NACC2: variants seen among roughly 807,000 people sequenced by gnomAD.
NACC2 encodes the protein nucleus accumbens-associated protein 2.
In NACC2, 8 loss-of-function variants were observed where a neutral mutation model predicts 25.1. That is an observed-to-expected ratio of 0.32 (90% confidence interval 0.19 to 0.57). The LOEUF (loss-of-function observed/expected upper bound fraction) is 0.57. Among genes scored for constraint, NACC2 ranks in the 20% least tolerant of loss-of-function variants. The probability of loss-of-function intolerance (pLI) is 0.89; values close to 1 mark genes in which losing one functional copy is unlikely to be tolerated. For missense variants in NACC2, 644 were observed against 650.2 expected (o/e 0.99, Z 0.10); for synonymous variants, 435 against 294.7 (o/e 1.48, Z -4.88).
intron 2 of NACC2, among the ~76,000 whole-genome samples, chr9:136,016,880 C>A (rs1840211505): frequency 1.3e-5 from 2 of 152,114 alleles, no homozygotes; most frequent in Admixed American, 1.3e-4. Context: ...GCAGCCACTT[C>A]TGGGGCCACA....
At position 136,055,111 on chromosome 9, in the gene NACC2, C is replaced by CA. The variant is rs1419001348; in HGVS notation, c.-59-4532dup. 1.3e-5 allele frequency among the ~76,000 whole-genome samples: 2 copies of CA among 152,132 alleles called. No homozygotes were observed. The highest frequency in any genetic ancestry group is 2.4e-5 in the African/African-American group (1 of 41,450). Reference sequence around the variant, plus strand: ...GCCTCACTTGAGGAAGGCTGAGATCCAGGCCTGCCCTGCCCTGGGGTTAGG... The same window carrying CA: ...GCCTCACTTGAGGAAGGCTGAGATCCAAGGCCTGCCCTGCCCTGGGGTTAGG... On this transcript the variant is annotated intron_variant, in intron 1 of 5. Transcript: ENST00000277554. The surrounding 1 kb of genome is among the most constrained non-coding windows in gnomAD (Gnocchi z 4.9).
chr9:136,013,230 C>T lies in NACC2; in HGVS notation c.1224G>A (p.Pro408=), dbSNP rs7025705. The T allele has an allele frequency of 1.9e-3, 3,020 of 1,611,832 alleles. 52 individuals are homozygous for T. In the African/African-American group the frequency reaches 0.034, roughly 18 times the overall value. ...CAGCGTTCAGGACCCGGCTGTCCAGCGGCTTCCGGCTGGGGTCGCTGGTGG... is the reference window on the plus strand; with the variant it reads ...CAGCGTTCAGGACCCGGCTGTCCAGTGGCTTCCGGCTGGGGTCGCTGGTGG... ...RSSTSDPSRK[P]LDSRVLNAVK... The change falls in exon 5 of 6, where the codon CCG becomes CCA. Residue 408 remains proline, a synonymous_variant. Transcript: ENST00000277554. This position sits in a 1 kb window ranked among gnomAD's most constrained non-coding sequence, Gnocchi z 6.6.
chr9:136,090,707 A>G (rs1385223322), intron 1 of NACC2, among the ~76,000 whole-genome samples: 1 of 152,128 alleles, frequency 6.6e-6, no homozygotes, highest in Non-Finnish European at 1.5e-5. Context: ...TTTTCAATCA[A>G]CAAACATTTC....
chr9:136,013,159 G>GCCCCCGC lies in NACC2; in HGVS notation c.1255+39_1255+40insGCGGGGG. 2.6e-6 allele frequency: 2 copies of GCCCCCGC among 754,886 alleles called. No individual in the cohort carries two copies. Among genetic ancestry groups the GCCCCCGC allele is most frequent in the Admixed American group, 1.9e-5 (1 of 52,864 alleles). 46.8% of individuals were successfully genotyped at this position (754,886 alleles called of 1,614,324 possible). On this transcript the variant is annotated intron_variant, in intron 5 of 5. Coordinates refer to ENST00000277554, the MANE Select transcript of NACC2 (RefSeq NM_144653.5). This position sits in a 1 kb window ranked among gnomAD's most constrained non-coding sequence, Gnocchi z 6.6. The stretch of plus-strand genomic sequence containing the variant: ...CTCCTCAGGCTGGGATCTGAACCCA[G>GCCCCCGC]CCCCGGCCCCACCCACCCGAGAGAC...
At chr9:136,053,892 GAC>G (rs58832474) in intron 1 of NACC2, among the ~76,000 whole-genome samples, 5,990 of 152,276 alleles carry the variant, frequency 0.039, 360 homozygotes, top group African/African-American at 0.13. Flanking sequence ...GGCTGACACA[GAC>G]AGCAAGGGAC....
chr9:136,011,861 G>A lies in NACC2; in HGVS notation c.1419C>T (p.Ala473=), dbSNP rs139534285. 3.4e-5 allele frequency: 53 copies of A among 1,563,544 alleles called. No homozygotes were observed. The African/African-American group carries it at 4.8e-4, about 14-fold the overall frequency. The change falls in exon 6 of 6, where the codon GCC becomes GCT. Residue 473 remains alanine, a synonymous_variant. Coordinates refer to ENST00000277554, the MANE Select transcript of NACC2 (RefSeq NM_144653.5). ...CGGGGTCGAGGGGCACGCTGGCGGC[G>A]GCGGAGCCCATGACCGTGCGGTACA... ...VEMYRTVMGS[A]AASVPLDPEF... is the part of the protein sequence containing the mutation.
intron 2 of NACC2, among the ~76,000 whole-genome samples, chr9:136,034,060 A>C (rs1840516430): frequency 6.6e-6 from 1 of 152,202 alleles, no homozygotes; most frequent in South Asian, 2.1e-4. Flanking sequence ...AAAGATTCAG[A>C]AAAAATTTTT....
Position 136,011,735 on chromosome 9 carries a change from ATTCAC to A in NACC2, c.1540_1544del (p.Val514CysfsTer2). Reference sequence around the variant, plus strand: ...GGTTGGCGGCGGCACTCAGGTCAACATTCACGGCGTCAGTTCTCAGAGCCACGATG... The same window carrying A: ...GGTTGGCGGCGGCACTCAGGTCAACAGGCGTCAGTTCTCAGAGCCACGATG... On this transcript the variant is annotated frameshift_variant, in exon 6 of 6. Coordinates refer to ENST00000277554, the MANE Select transcript of NACC2 (RefSeq NM_144653.5). LOFTEE classifies it high-confidence loss of function. The A allele has an allele frequency of 6.5e-7, 1 of 1,538,340 alleles. No homozygotes were observed. Among genetic ancestry groups the A allele is most frequent in the Non-Finnish European group, 8.8e-7 (1 of 1,142,682 alleles).
At chr9:136,077,551 A>G (rs544225560) in intron 1 of NACC2, among the ~76,000 whole-genome samples, 1 of 152,340 alleles carries the variant, frequency 6.6e-6, no homozygotes, top group Non-Finnish European at 1.5e-5. Context: ...TGGTCAGAGT[A>G]TGGAAAGAAT....
At chr9:136,085,835 G>C (rs908508755) in intron 1 of NACC2, among the ~76,000 whole-genome samples, 2 of 152,372 alleles carry the variant, frequency 1.3e-5, no homozygotes, top group Admixed American at 6.5e-5. Context: ...AGGTGGGGTA[G>C]GTCCCTCCAC....
intron 2 of NACC2, among the ~76,000 whole-genome samples, chr9:136,048,011 G>C (rs1191586415): frequency 6.6e-6 from 1 of 152,224 alleles, no homozygotes; most frequent in African/African-American, 2.4e-5. Context: ...GGATACGATG[G>C]GTCTGTTTCC....
intron 1 of NACC2, among the ~76,000 whole-genome samples, chr9:136,092,455 A>G (rs1206575244): frequency 6.6e-6 from 1 of 152,202 alleles, no homozygotes; most frequent in Non-Finnish European, 1.5e-5. Context: ...CAGACGGGCT[A>G]GCGCTACTTC....
At position 136,018,426 on chromosome 9, in the gene NACC2, C is replaced by T. The variant is rs548328781; in HGVS notation, c.887-1997G>A. Among the ~76,000 whole-genome samples the T allele has an allele frequency of 1.6e-4, 24 of 152,202 alleles. No homozygotes were observed. The highest frequency in any genetic ancestry group is 5.1e-4 in the African/African-American group (21 of 41,506). ...TTCTGAGGACCCCACATCCTGAATCCACAGCGGGCGCCCCACTGAAGGCAG... is the reference window on the plus strand; with the variant it reads ...TTCTGAGGACCCCACATCCTGAATCTACAGCGGGCGCCCCACTGAAGGCAG... On this transcript the variant is annotated intron_variant, in intron 2 of 5. Coordinates refer to ENST00000277554, the MANE Select transcript of NACC2 (RefSeq NM_144653.5). This position sits in a 1 kb window ranked among gnomAD's most constrained non-coding sequence, Gnocchi z 4.4.
chr9:136,093,620 G>A (rs1262125492), intron 1 of NACC2, among the ~76,000 whole-genome samples: 12 of 152,360 alleles, frequency 7.9e-5, no homozygotes, highest in Admixed American at 3.9e-4. Flanking sequence ...TTTGCCGAAA[G>A]GACAGGGGGC....
chr9:136,052,447 G>A (rs1294780595), intron 1 of NACC2, among the ~76,000 whole-genome samples: 2 of 151,990 alleles, frequency 1.3e-5, no homozygotes, highest in Non-Finnish European at 2.9e-5. Flanking sequence ...CAGGGGGAGG[G>A]GGTGAGGGGG....
intron 2 of NACC2, among the ~76,000 whole-genome samples, chr9:136,036,782 A>C (rs1840561022): frequency 6.6e-6 from 1 of 152,240 alleles, no homozygotes; most frequent in South Asian, 2.1e-4. Context: ...ACAAAAACAT[A>C]CATTTAGTTT....
Position 136,013,322 on chromosome 9 carries a change from C to G in NACC2, c.1158-26G>C. 1 of 1,603,496 alleles carries G rather than the reference C, an allele frequency of 6.2e-7. No individual in the cohort carries two copies. Among genetic ancestry groups the G allele is most frequent in the Middle Eastern group, 1.8e-4 (1 of 5,488 alleles). On this transcript the variant is annotated intron_variant, in intron 4 of 5. Transcript: ENST00000277554. The surrounding 1 kb of genome is among the most constrained non-coding windows in gnomAD (Gnocchi z 6.6). ...CTGGTGGAGGGACCGGAAAGGCAGG[C>G]AGGGTGAGGATGATGGGGAGGGTAC... is the stretch of plus-strand genomic sequence containing the variant.
At chr9:136,063,742 G>A (rs1841043644) in intron 1 of NACC2, among the ~76,000 whole-genome samples, 1 of 152,062 alleles carries the variant, frequency 6.6e-6, no homozygotes, top group Non-Finnish European at 1.5e-5. Context: ...AATTAGCCAG[G>A]TGTGGTGGTG....
At chr9:136,039,824 T>C (rs1840601832) in intron 2 of NACC2, among the ~76,000 whole-genome samples, 2 of 152,032 alleles carry the variant, frequency 1.3e-5, no homozygotes, top group African/African-American at 4.8e-5. Flanking sequence ...GGCTGATATG[T>C]TCCCCCCGAG....
Sources: allele counts gnomAD v4.1 joint callset (sites outside exome capture counted in the v4.1 genomes callset), GRCh38; gene constraint gnomAD v4.1.1; non-coding constraint Gnocchi (gnomAD v3.1); transcripts MANE v1.5; gene names NCBI Gene and HGNC (gene_info 2026-07-23, HGNC 2026-07-21).